POLR3G: variants seen among roughly 807,000 people sequenced by gnomAD.
POLR3G encodes the protein RNA polymerase III subunit G, also known as DNA-directed RNA polymerase III subunit RPC7.
In POLR3G, 28 loss-of-function variants were observed where a neutral mutation model predicts 30.1. The observed-to-expected ratio is 0.93, with a 90% CI of 0.69 to 1.27. The LOEUF (loss-of-function observed/expected upper bound fraction) is 1.27. Ranked by LOEUF, POLR3G falls within the 50% of genes most tolerant of loss-of-function variation. The probability of loss-of-function intolerance (pLI) is 0.00; values close to 1 mark genes in which losing one functional copy is unlikely to be tolerated. For synonymous variants in POLR3G, 79 were observed against 82.5 expected, an observed-to-expected ratio of 0.96 and a Z score of 0.23; for missense variants, 254 against 264.6, an observed-to-expected ratio of 0.96 and a Z score of 0.28.
chr5:90,499,574 GTCT>G (rs1307521973), intron 5 of POLR3G, among the ~76,000 whole-genome samples: 1 of 152,176 alleles, frequency 6.6e-6, no homozygotes, highest in Non-Finnish European at 1.5e-5. Flanking sequence ...GCATAGATGA[GTCT>G]TCTTAGAATT....
At chr5:90,507,403 A>C (rs546128814) in intron 7 of POLR3G, among the ~76,000 whole-genome samples, 6 of 152,312 alleles carry the variant, frequency 3.9e-5, no homozygotes, top group South Asian at 2.1e-4. Flanking sequence ...CTTTACTATA[A>C]TTATTTTGCA....
chr5:90,506,484 G>C, intron 6 of POLR3G, 44 bp from the exon 7 acceptor site: 1 of 1,596,130 alleles, frequency 6.3e-7, no homozygotes, highest in South Asian at 1.2e-5. Flanking sequence ...GAAGTCAGCA[G>C]TCTAGTGGTT....
chr5:90,477,846 A>G (rs930930707), intron 1 of POLR3G, among the ~76,000 whole-genome samples: 3 of 152,222 alleles, frequency 2.0e-5, no homozygotes, highest in African/African-American at 7.2e-5. Flanking sequence ...TATGGGCTCA[A>G]GGGTCCCCTT....
At position 90,512,184 on chromosome 5, in the gene POLR3G, C is replaced by T. The variant is rs1580225785; in HGVS notation, c.*45C>T. 1 of 1,147,244 alleles carries T rather than the reference C, an allele frequency of 8.7e-7. No individual in the cohort carries two copies. Among genetic ancestry groups the T allele is most frequent in the Non-Finnish European group, 1.3e-6 (1 of 758,642 alleles). 71.1% of individuals were successfully genotyped at this position (1,147,244 alleles called of 1,614,324 possible). ...ATATTTTTATGATGCAGCTTCTGAA[C>T]ATTTGGACAGACTTGATTTGTATTT... On this transcript the variant is annotated 3_prime_UTR_variant, in exon 8 of 8. Coordinates refer to ENST00000651687, the MANE Select transcript of POLR3G (RefSeq NM_006467.3).
Position 90,478,569 on chromosome 5 carries a change from C to CTTTTTTTTTTTTTTTTTTTTTTTT in POLR3G, c.-44+3566_-44+3567insTTTTTTTTTTTTTTTTTTTTTTTT, listed in dbSNP as rs773881344. Among the ~76,000 whole-genome samples, 6 of 79,332 alleles carry CTTTTTTTTTTTTTTTTTTTTTTTT rather than the reference C, an allele frequency of 7.6e-5. 2 individuals are homozygous for CTTTTTTTTTTTTTTTTTTTTTTTT. Among genetic ancestry groups the CTTTTTTTTTTTTTTTTTTTTTTTT allele is most frequent in the African/African-American group, 3.0e-4 (6 of 19,810 alleles). 52.0% of individuals were successfully genotyped at this position (79,332 alleles called of 152,430 possible). A position where few individuals can be genotyped will look rare whatever the true frequency, so the allele number is the denominator to read the frequency against. ...AATGGGAGGTTTAATCTGCGTGGTT[C>CTTTTTTTTTTTTTTTTTTTTTTTT]TTTTTTTTTTTTTTTTTGAGAGGGA... On this transcript the variant is annotated intron_variant, in intron 1 of 7. Coordinates refer to ENST00000651687, the MANE Select transcript of POLR3G (RefSeq NM_006467.3).
At chr5:90,495,848 TTTTATTGTGA>T (rs1285024822) in intron 4 of POLR3G, 115 bp downstream of exon 4, 1 of 1,307,270 alleles carries the variant, frequency 7.6e-7, no homozygotes, top group Non-Finnish European at 1.0e-6. Flanking sequence ...AGTCTGGTTC[TTTTATTGTGA>T]TTAATTAGTA....
At chr5:90,487,862 C>T in intron 2 of POLR3G, 138 bp from the exon 3 acceptor site, 2 of 622,714 alleles carry the variant, frequency 3.2e-6, no homozygotes, top group South Asian at 7.3e-5. Flanking sequence ...AGAAGTTCAT[C>T]TTTTAAGTTG....
chr5:90,478,405 C>T (rs1195816168), intron 1 of POLR3G, among the ~76,000 whole-genome samples: 1 of 151,960 alleles, frequency 6.6e-6, no homozygotes, highest in Non-Finnish European at 1.5e-5. Flanking sequence ...TTCTAACCAG[C>T]CTAGACCTAT....
chr5:90,481,667 G>GA lies in POLR3G; in HGVS notation c.-43-3849dup, dbSNP rs951453718. On this transcript the variant is annotated intron_variant, in intron 1 of 7. Transcript: ENST00000651687. ...ACCTAGTTTCTTAGACAAATAGAAA[G>GA]AAAAAAAAATGGGAAAACCATTACA... 1.9e-4 allele frequency among the ~76,000 whole-genome samples: 28 copies of GA among 149,076 alleles called. No individual in the cohort carries two copies. The East Asian group carries it at 2.7e-3, about 15-fold the overall frequency.
chr5:90,500,417 G>T (rs983943838), intron 5 of POLR3G, among the ~76,000 whole-genome samples: 8 of 151,982 alleles, frequency 5.3e-5, no homozygotes, highest in African/African-American at 1.7e-4. Flanking sequence ...TTCAACAAAG[G>T]TTTATGTTAT....
intron 7 of POLR3G, among the ~76,000 whole-genome samples, chr5:90,510,234 C>T (rs1478099208): frequency 2.0e-5 from 3 of 151,998 alleles, no homozygotes; most frequent in South Asian, 2.1e-4. Flanking sequence ...AAAAATTAGC[C>T]GGGCGTGGTG....
intron 1 of POLR3G, among the ~76,000 whole-genome samples, chr5:90,484,209 C>T (rs1751293898): frequency 6.6e-6 from 1 of 152,194 alleles, no homozygotes; most frequent in Non-Finnish European, 1.5e-5. Context: ...GTGCTGGGCC[C>T]ACTCACAGTT....
intron 6 of POLR3G, among the ~76,000 whole-genome samples, chr5:90,502,815 T>TTTTTTG (rs1561257039): frequency 6.6e-6 from 1 of 151,762 alleles, no homozygotes. Context: ...TTTTTTTTTT[T>TTTTTTG]TTGGCTGCAC....
chr5:90,483,245 A>G (rs928586160), intron 1 of POLR3G, among the ~76,000 whole-genome samples: 2 of 152,070 alleles, frequency 1.3e-5, no homozygotes, highest in African/African-American at 2.4e-5. Flanking sequence ...CTCTGTGTGA[A>G]TTACTCTTTC....
chr5:90,510,716 G>C, intron 7 of POLR3G, among the ~76,000 whole-genome samples: 1 of 152,154 alleles, frequency 6.6e-6, no homozygotes, highest in East Asian at 1.9e-4. Context: ...ACTTTCCAGA[G>C]ATGGGAATGG....
At chr5:90,481,247 G>A (rs1160607338) in intron 1 of POLR3G, among the ~76,000 whole-genome samples, 1 of 151,218 alleles carries the variant, frequency 6.6e-6, no homozygotes, top group African/African-American at 2.4e-5. Context: ...TGACCAGCCT[G>A]ATCAATACCA....
chr5:90,502,993 A>G (rs564095158), intron 6 of POLR3G, among the ~76,000 whole-genome samples: 33 of 152,332 alleles, frequency 2.2e-4, no homozygotes, highest in African/African-American at 7.7e-4. Context: ...TGGTCAGTAC[A>G]TAAATGTGCA....
rs544944964 is a variant in POLR3G, at chr5:90,497,061, T to A, written c.305-595T>A. 2.1e-4 allele frequency among the ~76,000 whole-genome samples: 32 copies of A among 152,318 alleles called. No individual in the cohort carries two copies. The South Asian group carries it at 6.6e-3, about 32-fold the overall frequency. On this transcript the variant is annotated intron_variant, in intron 4 of 7. Coordinates refer to ENST00000651687, the MANE Select transcript of POLR3G (RefSeq NM_006467.3). ...AATCAACTTTTATGTTGCTTCCATTTCCTGTTTAACTCTATGCTTAAAAAT... is the reference window on the plus strand; with the variant it reads ...AATCAACTTTTATGTTGCTTCCATTACCTGTTTAACTCTATGCTTAAAAAT...
intron 3 of POLR3G, among the ~76,000 whole-genome samples, chr5:90,494,725 A>G (rs1487670889): frequency 1.3e-5 from 2 of 151,860 alleles, no homozygotes; most frequent in Non-Finnish European, 2.9e-5. Flanking sequence ...CCTCTTTTTA[A>G]TTGGGTTCCA....
Sources: allele counts gnomAD v4.1 joint callset (sites outside exome capture counted in the v4.1 genomes callset), GRCh38; gene constraint gnomAD v4.1.1; transcripts MANE v1.5; gene names NCBI Gene and HGNC (gene_info 2026-07-23, HGNC 2026-07-21).